Variants in WLS observed in about 807,000 individuals in gnomAD.
The protein encoded by WLS is protein wntless homolog.
A neutral mutation model predicts 62.8 loss-of-function variants in WLS; 23 were observed. The ratio of observed to expected loss-of-function variants is 0.37; its 90% confidence interval spans 0.26 to 0.52. The LOEUF (loss-of-function observed/expected upper bound fraction) is 0.52, where lower values mean the gene tolerates loss of function less well. Among genes scored for constraint, WLS ranks in the 20% least tolerant of loss-of-function variants. WLS has a pLI of 0.92. For synonymous variants in WLS, 246 were observed against 244.1 expected, an observed-to-expected ratio of 1.01 and a Z score of -0.07; for missense variants, 615 against 697.3, an observed-to-expected ratio of 0.88 and a Z score of 1.33.
At chr1:68,219,917 T>C (rs897831510) in intron 1 of WLS, among the ~76,000 whole-genome samples, 14 of 152,170 alleles carry the variant, frequency 9.2e-5, no homozygotes, top group Non-Finnish European at 1.6e-4. Context: ...ACTCCAATTT[T>C]ATAATGTAAA....
At chr1:68,201,517 T>C (rs578171690) in intron 1 of WLS, among the ~76,000 whole-genome samples, 5 of 152,378 alleles carry the variant, frequency 3.3e-5, no homozygotes, top group Non-Finnish European at 7.3e-5. Flanking sequence ...TGAAGTATTA[T>C]TTCACAATTC....
intron 2 of WLS, among the ~76,000 whole-genome samples, chr1:68,159,683 A>T (rs1002076501): frequency 7.9e-5 from 12 of 152,132 alleles, no homozygotes; most frequent in Admixed American, 7.9e-4. Context: ...GATAAACATG[A>T]CCAAGTTTTT....
chr1:68,171,927 T>C (rs542439472), intron 2 of WLS, among the ~76,000 whole-genome samples: 21 of 152,154 alleles, frequency 1.4e-4, no homozygotes, highest in Non-Finnish European at 2.6e-4. Flanking sequence ...TGCCCAGCAA[T>C]GATAGACTGG....
At chr1:68,134,740 T>C (rs1646580705) in intron 11 of WLS, among the ~76,000 whole-genome samples, 1 of 152,250 alleles carries the variant, frequency 6.6e-6, no homozygotes, top group South Asian at 2.1e-4. Context: ...TTGAGAATTA[T>C]TTGCAAGTTT....
chr1:68,151,408 A>G (rs946348423), intron 5 of WLS, among the ~76,000 whole-genome samples: 3 of 152,226 alleles, frequency 2.0e-5, no homozygotes, highest in Non-Finnish European at 4.4e-5. Flanking sequence ...TCCAATAAAA[A>G]GTTTAAACAA....
chr1:68,197,157 T>C (rs72670452), intron 1 of WLS, among the ~76,000 whole-genome samples: 31,547 of 152,040 alleles, frequency 0.21, 3,479 homozygotes, highest in Middle Eastern at 0.28. Flanking sequence ...CTAGCTGAGT[T>C]CCTCAGCTAA....
chr1:68,221,446 A>G (rs1649937854), intron 1 of WLS, among the ~76,000 whole-genome samples: 1 of 152,234 alleles, frequency 6.6e-6, no homozygotes, highest in Non-Finnish European at 1.5e-5. Flanking sequence ...CCAGACACAC[A>G]GGAGCTAAAA....
chr1:68,211,361 TAAAAAACAACAGG>T (rs1649508926), intron 1 of WLS, among the ~76,000 whole-genome samples: 2 of 107,200 alleles, frequency 1.9e-5, no homozygotes, highest in East Asian at 1.1e-3. Flanking sequence ...AGGTTTTTCT[TAAAAAACAACAGG>T]TTTTTCTTAA....
chr1:68,134,415 C>T (rs11804258), intron 11 of WLS, among the ~76,000 whole-genome samples: 4,764 of 152,270 alleles, frequency 0.031, 245 homozygotes, highest in African/African-American at 0.11. Flanking sequence ...TGGGAAATCA[C>T]AGATCATGTT....
At chr1:68,182,954 G>A (rs1647673803) in intron 2 of WLS, among the ~76,000 whole-genome samples, 1 of 152,214 alleles carries the variant, frequency 6.6e-6, no homozygotes, top group South Asian at 2.1e-4. Context: ...AGGCTGGAGT[G>A]CAGTGGTGCG....
At chr1:68,156,110 C>T (rs923620664) in intron 3 of WLS, among the ~76,000 whole-genome samples, 4 of 152,048 alleles carry the variant, frequency 2.6e-5, no homozygotes, top group African/African-American at 4.8e-5. Flanking sequence ...CCAGGACTCC[C>T]GGCTGTGTAC....
At chr1:68,196,773 T>C (rs1440063426) in intron 1 of WLS, among the ~76,000 whole-genome samples, 1 of 152,128 alleles carries the variant, frequency 6.6e-6, no homozygotes, top group Non-Finnish European at 1.5e-5. Flanking sequence ...CAGACGTTTT[T>C]CTTTAAAACT....
At chr1:68,155,515 G>T (rs150483383) in intron 3 of WLS, among the ~76,000 whole-genome samples, 9 of 152,298 alleles carry the variant, frequency 5.9e-5, no homozygotes, top group Non-Finnish European at 1.2e-4. Context: ...GTAGAAAGCA[G>T]AGATACCTTC....
intron 2 of WLS, among the ~76,000 whole-genome samples, chr1:68,159,458 G>A (rs1433623543): frequency 1.3e-5 from 2 of 152,128 alleles, no homozygotes; most frequent in African/African-American, 4.8e-5. Context: ...CTCTGCCAGA[G>A]TCAAGAGCCT....
At chr1:68,117,459 T>C (rs1047439390) in intron 11 of WLS, 3 of 152,374 alleles carry the variant, frequency 2.0e-5, no homozygotes, top group Non-Finnish European at 1.5e-5. Flanking sequence ...AGGAGGCTCG[T>C]GTGGTCCCTG....
At chr1:68,188,977 G>A (rs1362760718) in intron 2 of WLS, among the ~76,000 whole-genome samples, 1 of 152,204 alleles carries the variant, frequency 6.6e-6, no homozygotes, top group Non-Finnish European at 1.5e-5. Flanking sequence ...ACCTTCAGTG[G>A]TTTCAGTTAG....
chr1:68,155,095 T>A lies in WLS; in HGVS notation c.666+4A>T. 6.2e-7 allele frequency: 1 copy of A among 1,613,200 alleles called. No individual in the cohort carries two copies. Among genetic ancestry groups the A allele is most frequent in the East Asian group, 2.2e-5 (1 of 44,844 alleles). On this transcript the variant is annotated splice_donor_region_variant and intron_variant, in intron 4 of 11. Transcript: ENST00000262348. ...ACATGTCAAGATCAATTACATTCAC[T>A]TACCACCAACCGGATATCCTTTATC...
At chr1:68,210,086 C>T (rs558829371) in intron 1 of WLS, among the ~76,000 whole-genome samples, 7 of 152,324 alleles carry the variant, frequency 4.6e-5, no homozygotes, top group South Asian at 4.1e-4. Context: ...GTGGACTCAG[C>T]AGTATGGATG....
chr1:68,231,091 G>A (rs924934157), intron 1 of WLS, among the ~76,000 whole-genome samples: 5 of 152,230 alleles, frequency 3.3e-5, no homozygotes, highest in African/African-American at 1.2e-4. Context: ...CTGCAAAGTT[G>A]GCATTGAAGT....
Sources: allele counts gnomAD v4.1 joint callset (sites outside exome capture counted in the v4.1 genomes callset), GRCh38; gene constraint gnomAD v4.1.1; transcripts MANE v1.5; gene names NCBI Gene and HGNC (gene_info 2026-07-23, HGNC 2026-07-21).